Variants in SCYL2 observed in about 807,000 individuals in gnomAD.
SCYL2 encodes SCY1-like protein 2.
Under a neutral mutation model 100.4 loss-of-function variants are expected in SCYL2, and 36 were observed. The ratio of observed to expected loss-of-function variants is 0.36; its 90% CI spans 0.27 to 0.47. The LOEUF (loss-of-function observed/expected upper bound fraction) is 0.47, where lower values mean the gene tolerates loss of function less well. Ranked by LOEUF, SCYL2 falls within the 20% of genes least tolerant of loss-of-function variation. The pLI, the probability that SCYL2 is intolerant of heterozygous loss-of-function variation, is 1.00. For synonymous variants in SCYL2, 330 were observed against 359.2 expected, an observed-to-expected ratio of 0.92 and a Z score of 0.92; for missense variants, 902 against 1,083.9, an observed-to-expected ratio of 0.83 and a Z score of 2.36.
chr12:100,334,248 T>C lies in SCYL2; in HGVS notation c.1844T>C (p.Ile615Thr), dbSNP rs149377563. Residue 615 changes from isoleucine (I) to threonine (T), a missense_variant, in exon 14 of 18, where the codon ATA becomes ACA. Physicochemically the swap from Ile to Thr is moderately conservative, Grantham distance 89. Transcript: ENST00000360820. ...AAGACTAAACTGGAGCAACTTCATA[T>C]AATGCAAGAACAGCAGAAGTAAGTA... The part of the protein sequence containing the change: ...EHKTKLEQLH[I>T]MQEQQKSLDI... 10 of 1,589,702 alleles carry C rather than the reference T, an allele frequency of 6.3e-6. No homozygotes were observed. The highest frequency in any genetic ancestry group is 1.1e-5 in the South Asian group (1 of 90,652).
intron 11 of SCYL2, among the ~76,000 whole-genome samples, chr12:100,325,107 G>A (rs2096360247): frequency 6.6e-6 from 1 of 152,046 alleles, no homozygotes; most frequent in Non-Finnish European, 1.5e-5. Context: ...CATGGTGGGA[G>A]CATCACTTGA....
At chr12:100,331,513 T>C (rs1952208542) in intron 13 of SCYL2, among the ~76,000 whole-genome samples, 1 of 151,972 alleles carries the variant, frequency 6.6e-6, no homozygotes, top group African/African-American at 2.4e-5. Flanking sequence ...GGAGCTGAGG[T>C]AGGAGGATTG....
chr12:100,328,175 G>A (rs1049238174), intron 12 of SCYL2, among the ~76,000 whole-genome samples: 7 of 152,124 alleles, frequency 4.6e-5, no homozygotes, highest in African/African-American at 2.4e-5. Flanking sequence ...CTACTTGGGA[G>A]TCTGAGGTGG....
rs1424142709 is a variant in SCYL2 at position 100,311,034 on chromosome 12, C to T, written c.481-10C>T. On this transcript the variant is annotated splice_polypyrimidine_tract_variant and intron_variant, in intron 4 of 17. Transcript: ENST00000360820. Reference sequence around the variant, plus strand: ...TTATTTAGTGTAAAATGTGTTTTTTCCATTTACAGGTTTCTGAAGGATTGT... The same window carrying T: ...TTATTTAGTGTAAAATGTGTTTTTTTCATTTACAGGTTTCTGAAGGATTGT... 1.3e-6 allele frequency: 2 copies of T among 1,520,328 alleles called. No individual in the cohort carries two copies. Among genetic ancestry groups the T allele is most frequent in the Non-Finnish European group, 1.8e-6 (2 of 1,139,656 alleles). The allele number at this position is 1,520,328 out of a possible 1,614,324, so 94.2% of individuals were successfully genotyped here.
chr12:100,299,762 G>T (rs545847864), intron 4 of SCYL2, among the ~76,000 whole-genome samples: 2 of 151,172 alleles, frequency 1.3e-5, no homozygotes, highest in Admixed American at 1.3e-4. Context: ...CCATTTGCCT[G>T]TTCATAATAT....
Position 100,311,088 on chromosome 12 carries a change from G to T in SCYL2, c.525G>T (p.Val175=), listed in dbSNP as rs1219714143. ...TCTTGCATAGCAGTGTGAAAATGGT[G>T]CATGGAAATATCACTCCTGAAAATA... ...LSFLHSSVKM[V]HGNITPENII... is the part of the protein sequence containing the mutation. The change falls in exon 5 of 18, where the codon GTG becomes GTT. Residue 175 remains valine, a synonymous_variant. Coordinates refer to ENST00000360820, the MANE Select transcript of SCYL2 (RefSeq NM_017988.6). 1 of 1,605,234 alleles carries T rather than the reference G, an allele frequency of 6.2e-7. No homozygotes were observed. Among genetic ancestry groups the T allele is most frequent in the Admixed American group, 1.7e-5 (1 of 58,580 alleles).
intron 4 of SCYL2, among the ~76,000 whole-genome samples, chr12:100,310,257 A>G (rs549615135): frequency 2.6e-5 from 4 of 152,274 alleles, no homozygotes; most frequent in Non-Finnish European, 4.4e-5. Context: ...CGGCCTCCCA[A>G]ATGGCTGGGA....
At chr12:100,294,383 C>G (rs1238675659) in intron 3 of SCYL2, among the ~76,000 whole-genome samples, 334 of 108,920 alleles carry the variant, frequency 3.1e-3, no homozygotes, top group African/African-American at 0.011. Context: ...GGGCGGGGGG[C>G]TGACCCCCCC....
At chr12:100,336,043 T>A (rs1952272974) in intron 16 of SCYL2, 137 bp downstream of exon 16, 3 of 673,742 alleles carry the variant, frequency 4.5e-6, no homozygotes, top group Non-Finnish European at 7.7e-6. Flanking sequence ...AATTCCTTTA[T>A]CAGTTAAACA....
chr12:100,270,131 C>T (rs991669678), intron 1 of SCYL2, among the ~76,000 whole-genome samples: 1 of 151,994 alleles, frequency 6.6e-6, no homozygotes, highest in African/African-American at 2.4e-5. Context: ...GGACTACAGG[C>T]GCCCACCACC....
chr12:100,311,803 A>C (rs561657601), intron 5 of SCYL2, among the ~76,000 whole-genome samples: 2 of 152,296 alleles, frequency 1.3e-5, no homozygotes, highest in South Asian at 2.1e-4. Flanking sequence ...TATTAAATCA[A>C]TTCTGCCTTG....
intron 13 of SCYL2, among the ~76,000 whole-genome samples, chr12:100,332,490 T>G (rs1241123839): frequency 2.0e-5 from 3 of 152,126 alleles, no homozygotes; most frequent in Non-Finnish European, 2.9e-5. Context: ...CAAACTACAT[T>G]TAACAATACG....
At position 100,297,871 on chromosome 12, in the gene SCYL2, T is replaced by A. The variant is rs189598443; in HGVS notation, c.336-160T>A. ...TAATTTGTATGCAGAGGCTCCTAAC[T>A]TTGTTGGTTTAAGTGGATTATGTCT... On this transcript the variant is annotated intron_variant, in intron 3 of 17. Transcript: ENST00000360820. 5.6e-4 allele frequency among the ~76,000 whole-genome samples: 85 copies of A among 152,288 alleles called. 2 individuals are homozygous for A. The highest frequency in any genetic ancestry group is 2.0e-3 in the African/African-American group (82 of 41,576).
At chr12:100,292,789 A>G (rs1176159967) in intron 3 of SCYL2, among the ~76,000 whole-genome samples, 2 of 152,104 alleles carry the variant, frequency 1.3e-5, no homozygotes, top group East Asian at 3.9e-4. Flanking sequence ...TTACTGCACC[A>G]TGCTGCATCT....
chr12:100,323,897 C>T (rs935317370), intron 11 of SCYL2: 1 of 220,940 alleles, frequency 4.5e-6, no homozygotes, highest in Non-Finnish European at 8.9e-6. Context: ...TTTCTTAATC[C>T]TTTTCTGCTT....
chr12:100,311,348 G>A (rs149190721), intron 5 of SCYL2, among the ~76,000 whole-genome samples, 155 bp downstream of exon 5: 196 of 152,054 alleles, frequency 1.3e-3, no homozygotes, highest in African/African-American at 4.3e-3. Flanking sequence ...AGTATTCTTC[G>A]GCACATTACT....
chr12:100,334,618 T>C (rs918895415), intron 14 of SCYL2, among the ~76,000 whole-genome samples: 1 of 152,046 alleles, frequency 6.6e-6, no homozygotes, highest in Non-Finnish European at 1.5e-5. Context: ...TTTTTAAATT[T>C]ATGAACTTCT....
At chr12:100,275,382 T>C (rs2086325516) in intron 1 of SCYL2, among the ~76,000 whole-genome samples, 1 of 152,052 alleles carries the variant, frequency 6.6e-6, no homozygotes, top group Non-Finnish European at 1.5e-5. Flanking sequence ...TTAAAAACTT[T>C]TTGGAGTCTT....
At chr12:100,276,157 A>G (rs1486605959) in intron 1 of SCYL2, among the ~76,000 whole-genome samples, 1 of 152,188 alleles carries the variant, frequency 6.6e-6, no homozygotes, top group Non-Finnish European at 1.5e-5. Flanking sequence ...ACATAACATG[A>G]AATGGAAAGT....
Sources: allele counts gnomAD v4.1 joint callset (sites outside exome capture counted in the v4.1 genomes callset), GRCh38; gene constraint gnomAD v4.1.1; transcripts MANE v1.5; gene names NCBI Gene and HGNC (gene_info 2026-07-23, HGNC 2026-07-21).